Variants in PITPNC1 observed in about 807,000 individuals in gnomAD.
PITPNC1 encodes the protein cytoplasmic phosphatidylinositol transfer protein 1.
In PITPNC1, 18 loss-of-function variants were observed where a neutral mutation model predicts 44.7. That is an observed-to-expected ratio of 0.40 (90% confidence interval 0.28 to 0.60). PITPNC1 has a LOEUF of 0.60. Ranked by LOEUF, PITPNC1 falls within the 20% of genes least tolerant of loss-of-function variation. PITPNC1 has a pLI of 0.39. For missense variants in PITPNC1, 290 were observed against 418.4 expected (o/e 0.69, Z 2.68); for synonymous variants, 141 against 149.6 (o/e 0.94, Z 0.42).
chr17:67,654,052 A>G (rs1265440785), intron 6 of PITPNC1, among the ~76,000 whole-genome samples: 1 of 152,124 alleles, frequency 6.6e-6, no homozygotes, highest in Non-Finnish European at 1.5e-5. Flanking sequence ...CGCCTAAGGG[A>G]GCGGCCCATG....
intron 7 of PITPNC1, among the ~76,000 whole-genome samples, chr17:67,675,035 T>C (rs556029131): frequency 4.0e-5 from 6 of 149,184 alleles, no homozygotes; most frequent in Non-Finnish European, 8.9e-5. Context: ...AAAAGTGACT[T>C]GCTGCCTAGA....
intron 1 of PITPNC1, among the ~76,000 whole-genome samples, chr17:67,475,560 C>T (rs1339959760): frequency 1.3e-5 from 2 of 152,208 alleles, no homozygotes; most frequent in Non-Finnish European, 2.9e-5. Context: ...GAGGCTGCGA[C>T]GACCTCGTAC....
chr17:67,503,229 G>T (rs760056431), intron 1 of PITPNC1, among the ~76,000 whole-genome samples: 1 of 11,270 alleles, frequency 8.9e-5, no homozygotes, highest in African/African-American at 2.2e-4. Context: ...AGGTTGTACT[G>T]GGGGTTGGGG....
chr17:67,619,998 C>T (rs115448969), intron 5 of PITPNC1, among the ~76,000 whole-genome samples: 4 of 152,134 alleles, frequency 2.6e-5, no homozygotes, highest in Non-Finnish European at 5.9e-5. Context: ...AAGATTACTT[C>T]TCAGTCTCTT....
intron 2 of PITPNC1, among the ~76,000 whole-genome samples, chr17:67,548,035 T>C (rs1367936210): frequency 6.6e-6 from 1 of 152,148 alleles, no homozygotes; most frequent in African/African-American, 2.4e-5. Context: ...TAGATGCCAG[T>C]AGCACTGCCC....
At chr17:67,435,915 G>C (rs2038931648) in intron 1 of PITPNC1, among the ~76,000 whole-genome samples, 1 of 152,198 alleles carries the variant, frequency 6.6e-6, no homozygotes, top group Non-Finnish European at 1.5e-5. Flanking sequence ...AAAAAAATAA[G>C]TTGGGGTCCT....
At chr17:67,493,938 CCATA>C (rs1333998018) in intron 1 of PITPNC1, among the ~76,000 whole-genome samples, 1 of 152,140 alleles carries the variant, frequency 6.6e-6, no homozygotes, top group African/African-American at 2.4e-5. Flanking sequence ...ACCTTTCTTC[CCATA>C]CAAACATTTT....
intron 6 of PITPNC1, among the ~76,000 whole-genome samples, chr17:67,647,062 C>T (rs967332888): frequency 1.4e-4 from 21 of 152,072 alleles, no homozygotes; most frequent in Admixed American, 4.6e-4. Context: ...TTCCCAACCC[C>T]GAGTCTCAGT....
At chr17:67,623,156 T>A (rs2041855260) in intron 5 of PITPNC1, among the ~76,000 whole-genome samples, 1 of 148,070 alleles carries the variant, frequency 6.8e-6, no homozygotes, top group South Asian at 2.2e-4. Flanking sequence ...GGATCAGTGG[T>A]TTGGCTAGGC....
chr17:67,599,755 GA>G, intron 5 of PITPNC1, among the ~76,000 whole-genome samples: 1 of 152,270 alleles, frequency 6.6e-6, no homozygotes, highest in Admixed American at 6.5e-5. Context: ...TAGAAGGAAG[GA>G]AAAGAATTGG....
At chr17:67,378,245 C>T in intron 1 of PITPNC1, 43 bp downstream of exon 1, 2 of 1,311,662 alleles carry the variant, frequency 1.5e-6, no homozygotes, top group Non-Finnish European at 2.0e-6. Context: ...TCCGGGACCC[C>T]CGCCGCTACC....
At chr17:67,529,946 TCAAAA>T (rs767104908) in intron 1 of PITPNC1, among the ~76,000 whole-genome samples, 118 of 151,614 alleles carry the variant, frequency 7.8e-4, no homozygotes, top group Non-Finnish European at 1.1e-3. Context: ...ATACCCTGTC[TCAAAA>T]CAAACAAACA....
intron 1 of PITPNC1, among the ~76,000 whole-genome samples, chr17:67,525,923 G>A (rs762387685): frequency 6.6e-6 from 1 of 152,212 alleles, no homozygotes; most frequent in Non-Finnish European, 1.5e-5. Flanking sequence ...AAATCAGAGG[G>A]ACAGGTGTTT....
chr17:67,387,252 C>T (rs1381198276), intron 1 of PITPNC1, among the ~76,000 whole-genome samples: 1 of 152,194 alleles, frequency 6.6e-6, no homozygotes, highest in Non-Finnish European at 1.5e-5. Flanking sequence ...CTCCCAGCCC[C>T]TGCTGCTCTC....
chr17:67,556,426 G>A (rs938030293), intron 4 of PITPNC1, among the ~76,000 whole-genome samples: 1 of 152,184 alleles, frequency 6.6e-6, no homozygotes, highest in African/African-American at 2.4e-5. Flanking sequence ...TGTTGCATGG[G>A]ACATAATTAT....
chr17:67,398,184 C>A (rs1428460364), intron 1 of PITPNC1, among the ~76,000 whole-genome samples: 3 of 151,934 alleles, frequency 2.0e-5, no homozygotes, highest in African/African-American at 7.3e-5. Flanking sequence ...ATTGTGGTTT[C>A]AGACCATGAA....
chr17:67,612,826 G>A lies in PITPNC1; in HGVS notation c.367-19317G>A, dbSNP rs1412534344. On this transcript the variant is annotated intron_variant, in intron 5 of 8. Transcript: ENST00000581322. ...GGGGGATTCAAACGTCTATCAGGAA[G>A]GTGGATTTGTGAGATACAGAGGCAG... 3 of 152,524 alleles carry A rather than the reference G, an allele frequency of 2.0e-5. No individual in the cohort carries two copies. In the East Asian group the frequency reaches 5.8e-4, roughly 29 times the overall value. 9.4% of individuals were successfully genotyped at this position (152,524 alleles called of 1,614,324 possible).
intron 1 of PITPNC1, among the ~76,000 whole-genome samples, chr17:67,437,677 C>T (rs1039055117): frequency 5.9e-5 from 9 of 152,122 alleles, no homozygotes; most frequent in Non-Finnish European, 1.3e-4. Flanking sequence ...ATAGACCTTC[C>T]TTAAGCCCTG....
chr17:67,582,070 C>T (rs2041242520), intron 5 of PITPNC1, among the ~76,000 whole-genome samples: 2 of 152,144 alleles, frequency 1.3e-5, no homozygotes, highest in African/African-American at 2.4e-5. Context: ...AGGGCTGCAT[C>T]CGTTTCCATT....
Sources: gnomAD v4.1 joint callset for allele counts (sites outside exome capture counted in the v4.1 genomes callset) on GRCh38, gnomAD v4.1.1 for gene constraint, MANE v1.5 for transcripts, NCBI Gene and HGNC (gene_info 2026-07-23, HGNC 2026-07-21) for gene names.